The following PCDHGA1 variants were observed in gnomAD, a reference collection of about 807,000 sequenced individuals.
PCDHGA1 encodes the protein protocadherin gamma-A1.
Under a neutral mutation model 58.0 loss-of-function variants are expected in PCDHGA1, and 32 were observed. The observed-to-expected ratio is 0.55, with a 90% CI of 0.42 to 0.74. The LOEUF is 0.74. Ranked by LOEUF, PCDHGA1 falls within the 30% of genes least tolerant of loss-of-function variation. The pLI is 0.00. For synonymous variants in PCDHGA1, 498 were observed against 501.1 expected, an observed-to-expected ratio of 0.99 and a Z score of 0.08; for missense variants, 1,205 against 1,182.3, an observed-to-expected ratio of 1.02 and a Z score of -0.28.
rs1318842373 is a variant in PCDHGA1 at position 141,361,452 on chromosome 5, C to T, written c.2421+28347C>T. 2.3e-5 allele frequency: 37 copies of T among 1,613,918 alleles called. 1 individual carries two copies. The highest frequency in any genetic ancestry group is 2.9e-5 in the Non-Finnish European group (34 of 1,179,910). On this transcript the variant is annotated intron_variant, in intron 1 of 3. Coordinates refer to ENST00000517417, the MANE Select transcript of PCDHGA1 (RefSeq NM_018912.3). The stretch of plus-strand genomic sequence containing the variant: ...CCCTCTCCTCCAGCATAATTGTCAC[C>T]CTGCACATCTCCGACGTCAACGATA...
chr5:141,375,719 G>C (rs1478749716), intron 1 of PCDHGA1: 1 of 1,614,262 alleles, frequency 6.2e-7, no homozygotes, highest in South Asian at 1.1e-5. Flanking sequence ...TAGCAGCAAC[G>C]TGTCACTGAG....
chr5:141,469,962 C>T (rs943032320), intron 1 of PCDHGA1, among the ~76,000 whole-genome samples: 8 of 152,134 alleles, frequency 5.3e-5, no homozygotes, highest in African/African-American at 1.9e-4. Flanking sequence ...GAAACCCCAT[C>T]TGTACCAAAA....
At chr5:141,414,242 T>TA in intron 1 of PCDHGA1, 2 of 1,613,538 alleles carry the variant, frequency 1.2e-6, no homozygotes, top group Non-Finnish European at 1.7e-6. Context: ...ATCACGTCTC[T>TA]ATTTAGTCCA....
intron 2 of PCDHGA1, among the ~76,000 whole-genome samples, chr5:141,504,351 G>C (rs77439649): frequency 0.021 from 3,233 of 152,120 alleles, 109 homozygotes; most frequent in African/African-American, 0.075. Context: ...CTTTGTGCTA[G>C]GTGCTTCAGT....
Position 141,331,303 on chromosome 5 carries a change from G to A in PCDHGA1, c.619G>A (p.Val207Ile), listed in dbSNP as rs1190717752. 2 of 1,614,166 alleles carry A rather than the reference G, an allele frequency of 1.2e-6. No individual in the cohort carries two copies. The highest frequency in any genetic ancestry group is 1.7e-6 in the Non-Finnish European group (2 of 1,180,036). The stretch of plus-strand genomic sequence containing the variant: ...TCCCTTAGACAGAGAAGAAGAAGCT[G>A]TCCACCACCTCATCCTCACAGCTTC... ...QSPLDREEEAVHHLILTASDG... is the reference protein window; with the variant it reads ...QSPLDREEEAIHHLILTASDG... The change falls in exon 1 of 4, where the codon GTC becomes ATC. Residue 207 changes from valine (V) to isoleucine (I), a missense_variant. Val to Ile is a conservative substitution (Grantham distance 29). Transcript: ENST00000517417.
At chr5:141,365,464 A>G in intron 1 of PCDHGA1, 3 of 1,614,072 alleles carry the variant, frequency 1.9e-6, no homozygotes, top group Non-Finnish European at 2.5e-6. Flanking sequence ...ATTCTGGAGA[A>G]AATGGTGAGA....
At chr5:141,472,778 G>T (rs1244170163) in intron 1 of PCDHGA1, among the ~76,000 whole-genome samples, 1 of 151,878 alleles carries the variant, frequency 6.6e-6, no homozygotes, top group Non-Finnish European at 1.5e-5. Flanking sequence ...CTGAGGTTGG[G>T]AGTTCAAGAT....
chr5:141,355,116 T>C, intron 1 of PCDHGA1: 1 of 1,511,608 alleles, frequency 6.6e-7, no homozygotes, highest in Non-Finnish European at 8.8e-7. Context: ...GAATGCACTT[T>C]ATTTTGGACC....
At chr5:141,478,173 A>G (rs1397071220) in intron 1 of PCDHGA1, 1 of 1,613,986 alleles carries the variant, frequency 6.2e-7, no homozygotes, top group Non-Finnish European at 8.5e-7. Flanking sequence ...CCCCGGGAGC[A>G]GAAAAAAAAT....
chr5:141,444,305 A>G (rs62379165), intron 1 of PCDHGA1, among the ~76,000 whole-genome samples: 13,327 of 151,310 alleles, frequency 0.088, 765 homozygotes, highest in African/African-American at 0.16. Context: ...CCTAGTAGCT[A>G]GGATTACAGG....
intron 1 of PCDHGA1, chr5:141,341,462 A>G (rs548025293): frequency 1.5e-5 from 24 of 1,601,120 alleles, no homozygotes; most frequent in Non-Finnish European, 1.7e-5. Context: ...CTTGTTTACT[A>G]TATCTATTTT....
At chr5:141,409,680 C>G (rs756713114) in intron 1 of PCDHGA1, 1 of 1,613,360 alleles carries the variant, frequency 6.2e-7, no homozygotes, top group Non-Finnish European at 8.5e-7. Context: ...TCTATAGTGG[C>G]GAGTGACCTA....
chr5:141,404,764 C>A lies in PCDHGA1; in HGVS notation c.2421+71659C>A, dbSNP rs371618979. 152 of 1,613,920 alleles carry A rather than the reference C, an allele frequency of 9.4e-5. 1 individual carries two copies. In the African/African-American group the frequency reaches 1.6e-3, roughly 17 times the overall value. ...GAGACTCAGGCCAGAATGCTTGGCT[C>A]TCCTACCGCCTATTCAAGGCCAGTG... On this transcript the variant is annotated intron_variant, in intron 1 of 3. Coordinates refer to ENST00000517417, the MANE Select transcript of PCDHGA1 (RefSeq NM_018912.3).
At position 141,354,063 on chromosome 5, in the gene PCDHGA1, C is replaced by T. The variant is rs542635599; in HGVS notation, c.2421+20958C>T. On this transcript the variant is annotated intron_variant, in intron 1 of 3. Transcript: ENST00000517417. The stretch of plus-strand genomic sequence containing the variant: ...GGCACATGCAATGATAATCCATGTT[C>T]GGCTACCAAAACATTTCCTTTTACT... Among the ~76,000 whole-genome samples the T allele has an allele frequency of 3.2e-4, 49 of 152,240 alleles. 1 individual carries two copies. In the South Asian group the frequency reaches 6.6e-3, roughly 21 times the overall value.
intron 1 of PCDHGA1, chr5:141,384,771 C>A (rs568102289): frequency 1.2e-6 from 2 of 1,613,878 alleles, no homozygotes; most frequent in Non-Finnish European, 1.7e-6. Flanking sequence ...TGTACACGGG[C>A]GAGGTGCGCA....
At chr5:141,336,876 C>T (rs1248023438) in intron 1 of PCDHGA1, among the ~76,000 whole-genome samples, 1 of 152,112 alleles carries the variant, frequency 6.6e-6, no homozygotes. Flanking sequence ...GAAAATGTTT[C>T]CAAATCATGT....
intron 1 of PCDHGA1, among the ~76,000 whole-genome samples, chr5:141,368,368 T>C (rs1463572003): frequency 6.6e-6 from 1 of 151,982 alleles, no homozygotes; most frequent in Non-Finnish European, 1.5e-5. Context: ...TATACACACA[T>C]ATATATACAC....
intron 1 of PCDHGA1, chr5:141,351,807 T>C: frequency 1.9e-6 from 3 of 1,613,300 alleles, no homozygotes; most frequent in Non-Finnish European, 2.5e-6. Context: ...CAGCGCGCCT[T>C]CGACCACGAG....
At chr5:141,394,658 A>G (rs755560495) in intron 1 of PCDHGA1, 1 of 1,610,022 alleles carries the variant, frequency 6.2e-7, no homozygotes, top group South Asian at 1.1e-5. Flanking sequence ...GCGAGCCGGG[A>G]CTCTTCTCGG....
Sources: allele counts gnomAD v4.1 joint callset (sites outside exome capture counted in the v4.1 genomes callset), GRCh38; gene constraint gnomAD v4.1.1; transcripts MANE v1.5; gene names NCBI Gene and HGNC (gene_info 2026-07-23, HGNC 2026-07-21).